The following DCPS variants were observed in gnomAD, a reference collection of about 807,000 sequenced individuals.
DCPS encodes the protein decapping enzyme, scavenger.
DCPS carries 27 observed loss-of-function variants against 34.7 expected under a neutral mutation model. That is an observed-to-expected ratio of 0.78 (90% CI 0.57 to 1.07). DCPS has a LOEUF of 1.07. DCPS is among the 50% of genes least tolerant of loss of function. The pLI is 0.00. For synonymous variants in DCPS, 185 were observed against 185.7 expected, an observed-to-expected ratio of 1.00 and a Z score of 0.03; for missense variants, 464 against 436.9, an observed-to-expected ratio of 1.06 and a Z score of -0.55.
At position 126,338,275 on chromosome 11, in the gene DCPS, C is replaced by A. The variant is rs747456482; in HGVS notation, c.523-11C>A. ...TGGATTTGTGAACCATCTCTCTCCC[C>A]CTCCTTTCAGTGGGTGTATAACATT... is the stretch of plus-strand genomic sequence containing the variant. On this transcript the variant is annotated splice_polypyrimidine_tract_variant and intron_variant, in intron 3 of 5. Coordinates refer to ENST00000263579, the MANE Select transcript of DCPS (RefSeq NM_014026.6). The surrounding 1 kb of genome is among the most constrained non-coding windows in gnomAD (Gnocchi z 5.4). The A allele has an allele frequency of 2.3e-5, 37 of 1,613,412 alleles. No individual in the cohort carries two copies. In the Middle Eastern group the frequency reaches 4.9e-4, roughly 22 times the overall value.
intron 2 of DCPS, among the ~76,000 whole-genome samples, chr11:126,314,511 G>T (rs1312369254): frequency 6.6e-6 from 1 of 151,472 alleles, no homozygotes; most frequent in Non-Finnish European, 1.5e-5. Context: ...AGGAAAATAA[G>T]TCATTATATG....
At chr11:126,343,934 C>T (rs1010590590) in intron 5 of DCPS, among the ~76,000 whole-genome samples, 2 of 152,102 alleles carry the variant, frequency 1.3e-5, no homozygotes, top group African/African-American at 2.4e-5. Flanking sequence ...CCCAGGAGCA[C>T]GGGGAGATGG....
rs1265751061 is a variant in DCPS, at chr11:126,337,631, C to T, written c.523-655C>T. On this transcript the variant is annotated intron_variant, in intron 3 of 5. Coordinates refer to ENST00000263579, the MANE Select transcript of DCPS (RefSeq NM_014026.6). The surrounding 1 kb of genome is among the most constrained non-coding windows in gnomAD (Gnocchi z 5.3). ...TCACTGTCTCTGTGTCTCTACATAG[C>T]TTTCGTTTCTGCTTTGCCATGCGGG... 1 of 152,956 alleles carries T rather than the reference C, an allele frequency of 6.5e-6. No homozygotes were observed. Among genetic ancestry groups the T allele is most frequent in the Non-Finnish European group, 1.5e-5 (1 of 68,612 alleles). 9.5% of individuals were successfully genotyped at this position (152,956 alleles called of 1,614,324 possible).
At position 126,344,689 on chromosome 11, in the gene DCPS, G is replaced by A. The variant is rs1439998970; in HGVS notation, c.748-658G>A. 2.6e-5 allele frequency among the ~76,000 whole-genome samples: 4 copies of A among 152,182 alleles called. No homozygotes were observed. The South Asian group carries it at 8.3e-4, about 31-fold the overall frequency. On this transcript the variant is annotated intron_variant, in intron 5 of 5. Coordinates refer to ENST00000263579, the MANE Select transcript of DCPS (RefSeq NM_014026.6). The surrounding 1 kb of genome is among the most constrained non-coding windows in gnomAD (Gnocchi z 8.1). Reference sequence around the variant, plus strand: ...CTATGCCTCACAGCCTCCTGAAGGTGGAGGTTGGTAGAAAAAGACCCACCC... The same window carrying A: ...CTATGCCTCACAGCCTCCTGAAGGTAGAGGTTGGTAGAAAAAGACCCACCC...
rs573929901 is a variant in DCPS at position 126,334,326 on chromosome 11, T to G, written c.522+2776T>G. ...TCTAAGCATTTATGCGCATCACACCTCATTTATTTATTTATTTATTATTTA... is the reference window on the plus strand; with the variant it reads ...TCTAAGCATTTATGCGCATCACACCGCATTTATTTATTTATTTATTATTTA... On this transcript the variant is annotated intron_variant, in intron 3 of 5. Coordinates refer to ENST00000263579, the MANE Select transcript of DCPS (RefSeq NM_014026.6). The surrounding 1 kb of genome is among the most constrained non-coding windows in gnomAD (Gnocchi z 5.5). Among the ~76,000 whole-genome samples the G allele has an allele frequency of 6.6e-6, 1 of 151,996 alleles. No individual in the cohort carries two copies. Among genetic ancestry groups the G allele is most frequent in the Non-Finnish European group, 1.5e-5 (1 of 68,004 alleles).
rs1212677037 is a variant in DCPS at position 126,346,724 on chromosome 11, G to A, written c.*1111G>A. ...AAGTGACAGCAGGGGGGAAGCTTGA[G>A]GCACAGTGGGTGGTCCTTACTCTCC... On this transcript the variant is annotated 3_prime_UTR_variant, in exon 6 of 6. Coordinates refer to ENST00000263579, the MANE Select transcript of DCPS (RefSeq NM_014026.6). The surrounding 1 kb of genome is among the most constrained non-coding windows in gnomAD (Gnocchi z 4.1). Among the ~76,000 whole-genome samples the A allele has an allele frequency of 6.6e-6, 1 of 152,184 alleles. No homozygotes were observed. Among genetic ancestry groups the A allele is most frequent in the East Asian group, 1.9e-4 (1 of 5,178 alleles).
chr11:126,347,631 C>A lies in DCPS; in HGVS notation c.*2018C>A, dbSNP rs564721242. Among the ~76,000 whole-genome samples the A allele has an allele frequency of 1.3e-5, 2 of 152,298 alleles. No homozygotes were observed. The highest frequency in any genetic ancestry group is 3.9e-4 in the East Asian group (2 of 5,172). On this transcript the variant is annotated 3_prime_UTR_variant, in exon 6 of 6. Coordinates refer to ENST00000263579, the MANE Select transcript of DCPS (RefSeq NM_014026.6). The surrounding 1 kb of genome is among the most constrained non-coding windows in gnomAD (Gnocchi z 4.2). The stretch of plus-strand genomic sequence containing the variant: ...GGTCTGACAGAGAATCAGCAGGATC[C>A]ATTTCATGGCCACCACACATCTGAC...
intron 1 of DCPS, among the ~76,000 whole-genome samples, chr11:126,304,655 T>G (rs1234455813): frequency 6.6e-6 from 1 of 152,116 alleles, no homozygotes; most frequent in Non-Finnish European, 1.5e-5. Flanking sequence ...GGAAACGACA[T>G]GAGACTGTAG....
rs1418909051 is a variant in DCPS, at chr11:126,319,479, A to G, written c.377-11926A>G. Among the ~76,000 whole-genome samples the G allele has an allele frequency of 6.6e-6, 1 of 152,156 alleles. No homozygotes were observed. Among genetic ancestry groups the G allele is most frequent in the Admixed American group, 6.5e-5 (1 of 15,272 alleles). On this transcript the variant is annotated intron_variant, in intron 2 of 5. Coordinates refer to ENST00000263579, the MANE Select transcript of DCPS (RefSeq NM_014026.6). This position sits in a 1 kb window ranked among gnomAD's most constrained non-coding sequence, Gnocchi z 4.5. ...AGTATCCCCTGGTAAGGCTGTCCTCACACGGCTCTCCAGAGCTCAGGGGAG... is the reference window on the plus strand; with the variant it reads ...AGTATCCCCTGGTAAGGCTGTCCTCGCACGGCTCTCCAGAGCTCAGGGGAG...
rs980144552 is a variant in DCPS, at chr11:126,313,467, C to T, written c.376+6723C>T. ...ATAACAGTAGAGTAGGTAGATAAAC[C>T]GAGGTATAGTCCTACAGTGCCTAGC... On this transcript the variant is annotated intron_variant, in intron 2 of 5. Coordinates refer to ENST00000263579, the MANE Select transcript of DCPS (RefSeq NM_014026.6). This position sits in a 1 kb window ranked among gnomAD's most constrained non-coding sequence, Gnocchi z 4.9. Among the ~76,000 whole-genome samples the T allele has an allele frequency of 2.6e-5, 4 of 152,012 alleles. No homozygotes were observed. Among genetic ancestry groups the T allele is most frequent in the African/African-American group, 9.7e-5 (4 of 41,386 alleles).
At chr11:126,343,160 C>T (rs945345349) in intron 4 of DCPS, 147 bp from the exon 5 acceptor site, 14 of 649,170 alleles carry the variant, frequency 2.2e-5, no homozygotes, top group East Asian at 1.1e-4. Flanking sequence ...CCCACACGCC[C>T]GGGGTATGCA....
chr11:126,339,395 G>A (rs1951859940), intron 4 of DCPS, among the ~76,000 whole-genome samples: 1 of 152,168 alleles, frequency 6.6e-6, no homozygotes, highest in Non-Finnish European at 1.5e-5. Context: ...CTGCCCCTCC[G>A]CGGGCTCGCT....
chr11:126,343,837 T>C (rs1279930019), intron 5 of DCPS, among the ~76,000 whole-genome samples: 1 of 152,214 alleles, frequency 6.6e-6, no homozygotes, highest in Non-Finnish European at 1.5e-5. Flanking sequence ...GAAGACAGGC[T>C]GAATTCTGTA....
Position 126,344,412 on chromosome 11 carries a change from G to A in DCPS, c.748-935G>A, listed in dbSNP as rs951971131. 2.6e-5 allele frequency among the ~76,000 whole-genome samples: 4 copies of A among 152,202 alleles called. No homozygotes were observed. Among genetic ancestry groups the A allele is most frequent in the Non-Finnish European group, 5.9e-5 (4 of 68,030 alleles). On this transcript the variant is annotated intron_variant, in intron 5 of 5. Coordinates refer to ENST00000263579, the MANE Select transcript of DCPS (RefSeq NM_014026.6). This position sits in a 1 kb window ranked among gnomAD's most constrained non-coding sequence, Gnocchi z 8.1. ...GTGTCTTTCTCTTGGGGAGATGCCA[G>A]GCCAACACTTTGACCTGCCCTAGCA...
At position 126,329,731 on chromosome 11, in the gene DCPS, A is replaced by G. The variant is rs1003042505; in HGVS notation, c.377-1674A>G. Among the ~76,000 whole-genome samples, 1 of 152,110 alleles carries G rather than the reference A, an allele frequency of 6.6e-6. No homozygotes were observed. The highest frequency in any genetic ancestry group is 6.5e-5 in the Admixed American group (1 of 15,278). On this transcript the variant is annotated intron_variant, in intron 2 of 5. Transcript: ENST00000263579. The surrounding 1 kb of genome is among the most constrained non-coding windows in gnomAD (Gnocchi z 5.0). ...GGATGACTCTTTTGAGTCCCAGCCC[A>G]CCCTCTTCACTGACGTATGAAAGCG...
In DCPS at chr11:126,335,292, A is replaced by C. The variant is rs1026496535; in HGVS notation, c.523-2994A>C. On this transcript the variant is annotated intron_variant, in intron 3 of 5. Transcript: ENST00000263579. This position sits in a 1 kb window ranked among gnomAD's most constrained non-coding sequence, Gnocchi z 4.8. ...CTGCCAATGTCACCTACTGCAAAGA[A>C]GTCCAGCCAGGTGAGTTGCAGAAAG... Among the ~76,000 whole-genome samples, 1 of 152,248 alleles carries C rather than the reference A, an allele frequency of 6.6e-6. No individual in the cohort carries two copies. Among genetic ancestry groups the C allele is most frequent in the African/African-American group, 2.4e-5 (1 of 41,472 alleles).
rs1470122069 is a variant in DCPS at position 126,349,433 on chromosome 11, G to A, written c.*3820G>A. Among the ~76,000 whole-genome samples, 1 of 152,218 alleles carries A rather than the reference G, an allele frequency of 6.6e-6. No individual in the cohort carries two copies. The highest frequency in any genetic ancestry group is 2.4e-5 in the African/African-American group (1 of 41,462). ...TTGGAGAAGGAAAGAAGCAGTTGGA[G>A]GCATGACTGCTATTGTTCCTTGGCT... On this transcript the variant is annotated 3_prime_UTR_variant, in exon 6 of 6. Coordinates refer to ENST00000263579, the MANE Select transcript of DCPS (RefSeq NM_014026.6). This position sits in a 1 kb window ranked among gnomAD's most constrained non-coding sequence, Gnocchi z 5.4.
rs1194248094 is a variant in DCPS at position 126,320,058 on chromosome 11, T to C, written c.377-11347T>C. On this transcript the variant is annotated intron_variant, in intron 2 of 5. Transcript: ENST00000263579. This position sits in a 1 kb window ranked among gnomAD's most constrained non-coding sequence, Gnocchi z 4.7. ...CTCTGTCACCCAGGCTGGAGTGTAGTGAGGCGGTCTTGACTCTCCATCTTT... is the reference window on the plus strand; with the variant it reads ...CTCTGTCACCCAGGCTGGAGTGTAGCGAGGCGGTCTTGACTCTCCATCTTT... Among the ~76,000 whole-genome samples, 3 of 150,698 alleles carry C rather than the reference T, an allele frequency of 2.0e-5. No homozygotes were observed. Among genetic ancestry groups the C allele is most frequent in the Non-Finnish European group, 2.9e-5 (2 of 67,880 alleles).
At position 126,345,828 on chromosome 11, in the gene DCPS, G is replaced by A. The variant is rs1456525134; in HGVS notation, c.*215G>A. On this transcript the variant is annotated 3_prime_UTR_variant, in exon 6 of 6. Transcript: ENST00000263579. The surrounding 1 kb of genome is among the most constrained non-coding windows in gnomAD (Gnocchi z 7.4). ...TGGGTAGAACCTGTGGGAAGGCCTT[G>A]AGAATGGTGGAAAGTCTCCAGGTGG... 2.9e-6 allele frequency: 2 copies of A among 687,912 alleles called. No homozygotes were observed. The highest frequency in any genetic ancestry group is 4.7e-6 in the Non-Finnish European group (2 of 423,280). 42.6% of individuals were successfully genotyped at this position (687,912 alleles called of 1,614,324 possible). A position where few individuals can be genotyped will look rare whatever the true frequency, so the allele number is the denominator to read the frequency against.
Sources: allele counts gnomAD v4.1 joint callset (sites outside exome capture counted in the v4.1 genomes callset), GRCh38; gene constraint gnomAD v4.1.1; non-coding constraint Gnocchi (gnomAD v3.1); transcripts MANE v1.5; gene names NCBI Gene and HGNC (gene_info 2026-07-23, HGNC 2026-07-21).